KIF11: variants seen among roughly 807,000 people sequenced by gnomAD.
The protein encoded by KIF11 is kinesin family member 11.
Under a neutral mutation model 121.0 loss-of-function variants are expected in KIF11, and 9 were observed. The ratio of observed to expected loss-of-function variants is 0.07; its 90% CI spans 0.04 to 0.13. The LOEUF (loss-of-function observed/expected upper bound fraction) is 0.13, where lower values mean the gene tolerates loss of function less well. Among genes scored for constraint, KIF11 ranks in the 10% least tolerant of loss-of-function variants. The probability of loss-of-function intolerance (pLI) is 1.00; values close to 1 mark genes in which losing one functional copy is unlikely to be tolerated. For synonymous variants in KIF11, 408 were observed against 421.0 expected (o/e 0.97, Z 0.38); for missense variants, 846 against 1,217.5 (o/e 0.69, Z 4.54).
chr10:92,610,392 T>C (rs1363712524), intron 6 of KIF11, among the ~76,000 whole-genome samples: 1 of 152,182 alleles, frequency 6.6e-6, no homozygotes, highest in East Asian at 1.9e-4. Context: ...AAATTGTTTA[T>C]TTTCCTCTCT....
chr10:92,607,391 A>G (rs1171413331), intron 4 of KIF11, among the ~76,000 whole-genome samples, 154 bp downstream of exon 4: 1 of 152,224 alleles, frequency 6.6e-6, no homozygotes, highest in East Asian at 1.9e-4. Context: ...ATTAAAGTGC[A>G]TGGTATGACT....
At chr10:92,615,405 CAAA>C (rs1219731237) in intron 8 of KIF11, among the ~76,000 whole-genome samples, 2 of 150,428 alleles carry the variant, frequency 1.3e-5, no homozygotes, top group African/African-American at 4.9e-5. Flanking sequence ...GACTCTGTCT[CAAA>C]AAAACAAAAA....
At chr10:92,604,127 T>C (rs551674293) in intron 1 of KIF11, among the ~76,000 whole-genome samples, 2 of 152,320 alleles carry the variant, frequency 1.3e-5, no homozygotes, top group South Asian at 4.1e-4. Flanking sequence ...GATTTGTTAG[T>C]GTGAGCAGCC....
chr10:92,623,331 AAAC>A (rs1844638132), intron 10 of KIF11, among the ~76,000 whole-genome samples: 1 of 152,296 alleles, frequency 6.6e-6, no homozygotes, highest in Admixed American at 6.5e-5. Context: ...CCATTGTATA[AAAC>A]AACAATAATA....
intron 1 of KIF11, among the ~76,000 whole-genome samples, chr10:92,598,270 G>T (rs532489150): frequency 2.0e-5 from 3 of 152,076 alleles, no homozygotes; most frequent in Admixed American, 1.3e-4. Flanking sequence ...GTTAATATTT[G>T]TATATTGTGT....
intron 17 of KIF11, among the ~76,000 whole-genome samples, chr10:92,641,127 T>C (rs770486139): frequency 9.9e-5 from 15 of 152,246 alleles, no homozygotes; most frequent in Non-Finnish European, 1.9e-4. Context: ...GTCAGACCTA[T>C]GTTTTCTTTT....
intron 21 of KIF11, among the ~76,000 whole-genome samples, chr10:92,652,481 GT>G (rs1844999208): frequency 2.0e-5 from 3 of 152,178 alleles, no homozygotes; most frequent in South Asian, 4.2e-4. Flanking sequence ...TTCCCTTAAG[GT>G]CTAAAGATTC....
chr10:92,637,206 T>G lies in KIF11; in HGVS notation c.1898T>G (p.Leu633Arg), dbSNP rs146481589. The change falls in exon 15 of 22, where the codon CTA becomes CGA. Residue 633 changes from leucine to arginine, a missense_variant. This residue lies in a region of KIF11 where 492 missense variants were observed against 603.4 expected (regional missense o/e 0.82). Transcript: ENST00000260731. ...ELINVLKTDL[L>R]SSLEMILSPT... ...CAGAATGTACTCAAGACTGATCTTCTAAGTTCACTGGAAATGATTTTATCC... is the reference window on the plus strand; with the variant it reads ...CAGAATGTACTCAAGACTGATCTTCGAAGTTCACTGGAAATGATTTTATCC... The G allele has an allele frequency of 5.0e-6, 8 of 1,585,822 alleles. No homozygotes were observed. Among genetic ancestry groups the G allele is most frequent in the Non-Finnish European group, 6.8e-6 (8 of 1,173,180 alleles).
chr10:92,626,536 A>T (rs1478579405), intron 10 of KIF11, among the ~76,000 whole-genome samples: 1 of 152,196 alleles, frequency 6.6e-6, no homozygotes, highest in African/African-American at 2.4e-5. Context: ...ACGCTTTTGG[A>T]ATTAGTACAG....
At chr10:92,627,375 A>G (rs937134163) in intron 10 of KIF11, among the ~76,000 whole-genome samples, 1 of 152,212 alleles carries the variant, frequency 6.6e-6, no homozygotes, top group African/African-American at 2.4e-5. Context: ...TGAGAAAAGC[A>G]TTCTCTATTT....
intron 14 of KIF11, among the ~76,000 whole-genome samples, chr10:92,636,727 TAG>T (rs1844802308): frequency 6.6e-6 from 1 of 151,740 alleles, no homozygotes; most frequent in Non-Finnish European, 1.5e-5. Context: ...TTTATCTATG[TAG>T]AGTATAAAAA....
chr10:92,608,885 T>G, intron 4 of KIF11, 135 bp from the exon 5 acceptor site: 1 of 526,484 alleles, frequency 1.9e-6, no homozygotes, highest in Non-Finnish European at 3.3e-6. Context: ...ATTAGGTTAG[T>G]TGTTTCTTTT....
At chr10:92,595,441 G>T (rs1844283538) in intron 1 of KIF11, among the ~76,000 whole-genome samples, 1 of 151,472 alleles carries the variant, frequency 6.6e-6, no homozygotes, top group Non-Finnish European at 1.5e-5. Context: ...TCTTAAATCT[G>T]TCAGGGCAGG....
chr10:92,621,680 C>T (rs780734009), intron 10 of KIF11, among the ~76,000 whole-genome samples: 5 of 151,984 alleles, frequency 3.3e-5, no homozygotes, highest in Non-Finnish European at 7.4e-5. Flanking sequence ...TGGCTCACTA[C>T]GTCCTCAGTC....
chr10:92,620,831 G>C (rs1319479016), intron 9 of KIF11, among the ~76,000 whole-genome samples: 1 of 152,206 alleles, frequency 6.6e-6, no homozygotes, highest in African/African-American at 2.4e-5. Context: ...GCATGGAAAA[G>C]ATCCGCCCCT....
At chr10:92,600,246 G>A (rs890966932) in intron 1 of KIF11, among the ~76,000 whole-genome samples, 20 of 151,622 alleles carry the variant, frequency 1.3e-4, no homozygotes, top group African/African-American at 1.7e-4. Context: ...CTCGTGATCC[G>A]CCCGCTTCGG....
At chr10:92,640,796 G>A (rs530685323) in intron 17 of KIF11, among the ~76,000 whole-genome samples, 5 of 151,750 alleles carry the variant, frequency 3.3e-5, no homozygotes, top group South Asian at 4.2e-4. Context: ...ACAGTGGCGC[G>A]AGTGCAGTGG....
chr10:92,624,439 A>G (rs1362429937), intron 10 of KIF11, among the ~76,000 whole-genome samples: 4 of 151,380 alleles, frequency 2.6e-5, no homozygotes, highest in Non-Finnish European at 5.9e-5. Flanking sequence ...ACCATGCACC[A>G]TGTTGGCCAG....
At chr10:92,651,533 T>A (rs1395663922) in intron 21 of KIF11, among the ~76,000 whole-genome samples, 15 of 105,376 alleles carry the variant, frequency 1.4e-4, no homozygotes, top group African/African-American at 5.1e-4. Context: ...TTTTTTTTTT[T>A]TTTTTTTTTT....
Sources: gnomAD v4.1 joint callset for allele counts (sites outside exome capture counted in the v4.1 genomes callset) on GRCh38, gnomAD v4.1.1 for gene constraint, gnomAD v4.1.1 regional missense constraint, MANE v1.5 for transcripts, NCBI Gene and HGNC (gene_info 2026-07-23, HGNC 2026-07-21) for gene names.